RNF38: variants seen among roughly 807,000 people sequenced by gnomAD.
RNF38 encodes E3 ubiquitin-protein ligase RNF38.
RNF38 carries 15 observed loss-of-function variants against 67.2 expected under a neutral mutation model. The observed-to-expected ratio is 0.22, with a 90% confidence interval of 0.15 to 0.34. The LOEUF (loss-of-function observed/expected upper bound fraction) is 0.34, where lower values mean the gene tolerates loss of function less well. RNF38 is among the 10% of genes least tolerant of loss of function. The pLI is 1.00. For missense variants in RNF38, 524 were observed against 639.9 expected (o/e 0.82, Z 1.95); for synonymous variants, 220 against 218.8 (o/e 1.01, Z -0.05).
At chr9:36,408,078 A>C (rs1260343960) in intron 2 of RNF38, among the ~76,000 whole-genome samples, 1 of 152,180 alleles carries the variant, frequency 6.6e-6, no homozygotes, top group African/African-American at 2.4e-5. Flanking sequence ...ATTTCAAGAT[A>C]TATTGCTACA....
At chr9:36,365,197 T>C (rs1475663237) in intron 4 of RNF38, among the ~76,000 whole-genome samples, 2 of 149,768 alleles carry the variant, frequency 1.3e-5, no homozygotes, top group African/African-American at 4.9e-5. Flanking sequence ...TTATACTAAT[T>C]CTATTATGTG....
At position 36,354,447 on chromosome 9, in the gene RNF38, G is replaced by A. The variant is rs1403681330; in HGVS notation, c.910-1116C>T. ...CGATCTCCTGACTTTGTAATCCACC[G>A]CGCACGGCCCAGCTTTCCATTTTTA... On this transcript the variant is annotated intron_variant, in intron 6 of 11. Coordinates refer to ENST00000259605, the MANE Select transcript of RNF38 (RefSeq NM_022781.5). Among the ~76,000 whole-genome samples the A allele has an allele frequency of 5.3e-5, 8 of 152,068 alleles. No individual in the cohort carries two copies. The South Asian group carries it at 1.0e-3, about 20-fold the overall frequency.
rs1052985006 is a variant in RNF38 at position 36,397,531 on chromosome 9, T to C, written c.12+2566A>G. Among the ~76,000 whole-genome samples the C allele has an allele frequency of 9.2e-5, 14 of 152,276 alleles. No individual in the cohort carries two copies. The East Asian group carries it at 2.7e-3, about 29-fold the overall frequency. On this transcript the variant is annotated intron_variant, in intron 1 of 11. Transcript: ENST00000259605. The stretch of plus-strand genomic sequence containing the variant: ...CGGACAATCATTTCTAAACAGAAAT[T>C]ATGGTTCCCACTCTTGAGTTAGGCA...
At chr9:36,422,266 T>C (rs1301907939) in intron 2 of RNF38, among the ~76,000 whole-genome samples, 1 of 150,806 alleles carries the variant, frequency 6.6e-6, no homozygotes, top group African/African-American at 2.4e-5. Context: ...AACATAAAAA[T>C]GCAAAAAATT....
intron 2 of RNF38, among the ~76,000 whole-genome samples, chr9:36,411,173 A>C (rs967391861): frequency 1.4e-4 from 22 of 151,958 alleles, no homozygotes; most frequent in Non-Finnish European, 2.4e-4. Flanking sequence ...AAAAAAAAAA[A>C]ACCTGATTAA....
intron 1 of RNF38, among the ~76,000 whole-genome samples, chr9:36,447,243 T>G (rs1839329646): frequency 6.6e-6 from 1 of 152,178 alleles, no homozygotes; most frequent in African/African-American, 2.4e-5. Context: ...TGACTCCTCC[T>G]GTATTTACAC....
chr9:36,356,711 C>CT (rs1214850029), intron 5 of RNF38, among the ~76,000 whole-genome samples: 5 of 112,306 alleles, frequency 4.5e-5, no homozygotes, highest in African/African-American at 1.8e-4. Context: ...ATCCTTGAGC[C>CT]TTTTAACCAT....
chr9:36,383,926 C>A (rs1013670374), intron 2 of RNF38, among the ~76,000 whole-genome samples: 3 of 151,752 alleles, frequency 2.0e-5, no homozygotes, highest in African/African-American at 7.3e-5. Context: ...TAGTAAAATA[C>A]GGTATTTTCC....
chr9:36,345,904 C>T (rs1833190882), intron 9 of RNF38, among the ~76,000 whole-genome samples: 1 of 152,156 alleles, frequency 6.6e-6, no homozygotes, highest in Admixed American at 6.5e-5. Flanking sequence ...TTTAACAAAT[C>T]CCTTGCCCCC....
At chr9:36,369,630 G>A (rs1470137033) in intron 4 of RNF38, 89 bp downstream of exon 4, 1 of 1,032,186 alleles carries the variant, frequency 9.7e-7, no homozygotes, top group Non-Finnish European at 1.4e-6. Context: ...AAAACTAAAA[G>A]AAATTTGCAA....
intron 1 of RNF38, 40 bp downstream of exon 1, chr9:36,400,057 A>G (rs1837884264): frequency 1.9e-6 from 3 of 1,585,468 alleles, no homozygotes; most frequent in Middle Eastern, 3.3e-4. Flanking sequence ...ACTGAATAAT[A>G]GCATATATCA....
chr9:36,380,842 G>A (rs1164442264), intron 2 of RNF38, among the ~76,000 whole-genome samples: 1 of 152,192 alleles, frequency 6.6e-6, no homozygotes, highest in Admixed American at 6.5e-5. Context: ...GGAAAAAAGG[G>A]AAATCATCAA....
At chr9:36,458,107 A>G (rs547258650) in intron 1 of RNF38, among the ~76,000 whole-genome samples, 1 of 152,316 alleles carries the variant, frequency 6.6e-6, no homozygotes, top group South Asian at 2.1e-4. Context: ...ACATACACCA[A>G]CGCTTTTGGA....
chr9:36,347,829 G>C (rs547167214), intron 9 of RNF38, among the ~76,000 whole-genome samples: 2 of 150,306 alleles, frequency 1.3e-5, no homozygotes. Flanking sequence ...TGTAATCCCA[G>C]CACTTTGGGA....
At chr9:36,357,241 G>C (rs1414567089) in intron 5 of RNF38, among the ~76,000 whole-genome samples, 1 of 152,188 alleles carries the variant, frequency 6.6e-6, no homozygotes, top group African/African-American at 2.4e-5. Context: ...TATACTAGCT[G>C]TCTCTACGGC....
chr9:36,407,432 A>G (rs754195269), intron 2 of RNF38, among the ~76,000 whole-genome samples: 3 of 152,224 alleles, frequency 2.0e-5, no homozygotes, highest in Admixed American at 1.3e-4. Flanking sequence ...GCAGGTGGAC[A>G]GTGAAAAGGC....
intron 2 of RNF38, among the ~76,000 whole-genome samples, chr9:36,389,113 G>T (rs1836872522): frequency 6.6e-6 from 1 of 152,010 alleles, no homozygotes; most frequent in Non-Finnish European, 1.5e-5. Context: ...TTCATTGAGG[G>T]CTTTGTTCTA....
At chr9:36,376,641 T>C (rs1006305378) in intron 2 of RNF38, among the ~76,000 whole-genome samples, 16 of 152,034 alleles carry the variant, frequency 1.1e-4, no homozygotes, top group African/African-American at 3.9e-4. Flanking sequence ...GAGAGTTACA[T>C]GGGGCCGGGC....
At chr9:36,400,442 G>A (rs555957223), upstream of RNF38, 7 of 1,074,366 alleles carry the variant, frequency 6.5e-6, no homozygotes, top group African/African-American at 1.7e-5. Context: ...AAAGAGCGCC[G>A]GGCGGCCGAG....
Sources: gnomAD v4.1 joint callset for allele counts (sites outside exome capture counted in the v4.1 genomes callset) on GRCh38, gnomAD v4.1.1 for gene constraint, MANE v1.5 for transcripts, NCBI Gene and HGNC (gene_info 2026-07-23, HGNC 2026-07-21) for gene names.